The following MAGI2 variants were observed in gnomAD, a reference collection of about 807,000 sequenced individuals.
The protein encoded by MAGI2 is membrane-associated guanylate kinase, WW and PDZ domain-containing protein 2.
Under a neutral mutation model 133.3 loss-of-function variants are expected in MAGI2, and 35 were observed. That is an observed-to-expected ratio of 0.26 (90% CI 0.20 to 0.35). The LOEUF (loss-of-function observed/expected upper bound fraction) is 0.35. Among genes scored for constraint, MAGI2 ranks in the 10% least tolerant of loss-of-function variants. The pLI is 1.00. For synonymous variants in MAGI2, 729 were observed against 710.6 expected (o/e 1.03, Z -0.41); for missense variants, 1,636 against 1,863.4 (o/e 0.88, Z 2.25).
At chr7:78,882,229 T>G (rs1189702467) in intron 2 of MAGI2, among the ~76,000 whole-genome samples, 1 of 151,012 alleles carries the variant, frequency 6.6e-6, no homozygotes, top group East Asian at 1.9e-4. Flanking sequence ...CAAGGACTGT[T>G]ATGAACACCT....
chr7:78,195,558 G>A (rs992594816), intron 11 of MAGI2, among the ~76,000 whole-genome samples: 4 of 152,102 alleles, frequency 2.6e-5, no homozygotes, highest in East Asian at 1.9e-4. Context: ...GCATTCAGTC[G>A]CTTTCCTCTC....
intron 3 of MAGI2, among the ~76,000 whole-genome samples, chr7:78,596,796 C>T (rs1290181653): frequency 1.3e-5 from 2 of 152,184 alleles, no homozygotes; most frequent in Admixed American, 6.5e-5. Context: ...CAAATGTCAT[C>T]AAGACATCCT....
At chr7:79,326,027 C>T (rs568187776) in intron 1 of MAGI2, among the ~76,000 whole-genome samples, 9 of 152,100 alleles carry the variant, frequency 5.9e-5, no homozygotes, top group Non-Finnish European at 8.8e-5. Context: ...AAATAAGCAC[C>T]GAATAAGAAA....
At chr7:79,339,955 T>C (rs923179727) in intron 1 of MAGI2, among the ~76,000 whole-genome samples, 4 of 152,170 alleles carry the variant, frequency 2.6e-5, no homozygotes, top group Non-Finnish European at 4.4e-5. Context: ...TTTGCTAGAA[T>C]ATGTCTTAAG....
chr7:79,162,176 C>G (rs1037528601), intron 1 of MAGI2, among the ~76,000 whole-genome samples: 2 of 151,972 alleles, frequency 1.3e-5, no homozygotes, highest in African/African-American at 4.8e-5. Context: ...CTACAATAAT[C>G]CTCTAGAGAG....
chr7:79,392,321 G>T (rs1465281773), intron 1 of MAGI2, among the ~76,000 whole-genome samples: 1 of 152,038 alleles, frequency 6.6e-6, no homozygotes, highest in Non-Finnish European at 1.5e-5. Flanking sequence ...ATAAACATAC[G>T]TGTGCATGTG....
chr7:78,432,553 T>C (rs909630406), intron 6 of MAGI2, among the ~76,000 whole-genome samples: 4 of 152,090 alleles, frequency 2.6e-5, no homozygotes, highest in African/African-American at 9.6e-5. Context: ...TTATGCCTTG[T>C]TGACTTCTTT....
intron 21 of MAGI2, among the ~76,000 whole-genome samples, chr7:78,059,168 G>T (rs1309959287): frequency 2.0e-5 from 3 of 152,158 alleles, no homozygotes; most frequent in African/African-American, 4.8e-5. Context: ...CCTGGGGCAT[G>T]TTAACAACAG....
intron 1 of MAGI2, among the ~76,000 whole-genome samples, chr7:79,171,770 A>ATATATATATATATATATATATATTTT: frequency 3.2e-5 from 1 of 31,220 alleles, no homozygotes; most frequent in Non-Finnish European, 1.1e-4. Context: ...ATATATATAT[A>ATATATATATATATATATATATATTTT]TTTTTTTTTT....
intron 12 of MAGI2, among the ~76,000 whole-genome samples, chr7:78,194,387 C>G (rs1430454601): frequency 6.6e-6 from 1 of 152,080 alleles, no homozygotes; most frequent in East Asian, 1.9e-4. Context: ...ATGATTGGCA[C>G]CTAGATCAGT....
In MAGI2 at chr7:79,322,525, A is replaced by T. The variant is rs118028891; in HGVS notation, c.301+130495T>A. Among the ~76,000 whole-genome samples, 107 of 152,124 alleles carry T rather than the reference A, an allele frequency of 7.0e-4. 3 individuals carry two copies. In the East Asian group the frequency reaches 0.02, roughly 28 times the overall value. On this transcript the variant is annotated intron_variant, in intron 1 of 21. Coordinates refer to ENST00000354212, the MANE Select transcript of MAGI2 (RefSeq NM_012301.4). ...GATTGCCACAATAATGAAAAAAAAA[A>T]ATTAGGGCTTAGCACTTTGGGAGGC...
chr7:78,796,392 A>T (rs1787614671), intron 2 of MAGI2, among the ~76,000 whole-genome samples: 1 of 152,178 alleles, frequency 6.6e-6, no homozygotes, highest in Admixed American at 6.6e-5. Context: ...AAAGTTCAAC[A>T]TCACTAATCA....
At chr7:78,481,078 T>C (rs1198259630) in intron 6 of MAGI2, among the ~76,000 whole-genome samples, 3 of 151,960 alleles carry the variant, frequency 2.0e-5, no homozygotes, top group African/African-American at 7.2e-5. Flanking sequence ...CTAAAATTTA[T>C]ATAAAATGGC....
chr7:78,018,472 A>C lies in MAGI2; in HGVS notation c.*843T>G, dbSNP rs959799560. The C allele has an allele frequency of 2.0e-5, 3 of 152,268 alleles. No homozygotes were observed. The highest frequency in any genetic ancestry group is 4.8e-5 in the African/African-American group (2 of 41,468). The allele number at this position is 152,268 out of a possible 1,614,324, so 9.4% of individuals were successfully genotyped here. On this transcript the variant is annotated 3_prime_UTR_variant, in exon 22 of 22. Transcript: ENST00000354212. ...GCAGCGTTGCCTATCTTGATTAAAC[A>C]AATTGTGGTCCTTCAATTATAAAAT... is the stretch of plus-strand genomic sequence containing the variant.
chr7:78,383,104 T>G (rs1447890456), intron 6 of MAGI2, among the ~76,000 whole-genome samples: 1 of 152,126 alleles, frequency 6.6e-6, no homozygotes, highest in Non-Finnish European at 1.5e-5. Context: ...TATATTGATT[T>G]CTTTTGCTTT....
intron 2 of MAGI2, among the ~76,000 whole-genome samples, chr7:78,759,682 C>T (rs1751512276): frequency 6.6e-6 from 1 of 151,978 alleles, no homozygotes; most frequent in South Asian, 2.1e-4. Flanking sequence ...GAAAAAAATA[C>T]CTATTATTTT....
At chr7:79,447,592 TA>T (rs1175202327) in intron 1 of MAGI2, among the ~76,000 whole-genome samples, 5 of 152,068 alleles carry the variant, frequency 3.3e-5, no homozygotes, top group Non-Finnish European at 4.4e-5. Flanking sequence ...GTAACAGTAT[TA>T]ATACACAGAC....
intron 12 of MAGI2, among the ~76,000 whole-genome samples, chr7:78,193,025 A>G (rs930452433): frequency 5.3e-5 from 8 of 152,274 alleles, no homozygotes; most frequent in African/African-American, 1.4e-4. Context: ...TTGGTTTGTT[A>G]CAGGTGAGGA....
At chr7:79,104,090 T>C (rs1818234478) in intron 1 of MAGI2, among the ~76,000 whole-genome samples, 2 of 152,198 alleles carry the variant, frequency 1.3e-5, no homozygotes, top group African/African-American at 4.8e-5. Flanking sequence ...GTTCATATTG[T>C]GTATGTGTGT....
Sources: gnomAD v4.1 joint callset for allele counts (sites outside exome capture counted in the v4.1 genomes callset) on GRCh38, gnomAD v4.1.1 for gene constraint, MANE v1.5 for transcripts, NCBI Gene and HGNC (gene_info 2026-07-23, HGNC 2026-07-21) for gene names.